The following ASZ1 variants were observed in gnomAD, a reference collection of about 807,000 sequenced individuals.
The protein encoded by ASZ1 is ankyrin repeat, SAM and basic leucine zipper domain containing 1.
Under a neutral mutation model 61.8 loss-of-function variants are expected in ASZ1, and 67 were observed. The ratio of observed to expected loss-of-function variants is 1.08; its 90% confidence interval spans 0.89 to 1.33. The LOEUF (loss-of-function observed/expected upper bound fraction) is 1.33, where lower values mean the gene tolerates loss of function less well. Among genes scored for constraint, ASZ1 ranks in the 40% most tolerant of loss-of-function variants. ASZ1 has a pLI of 0.00. For synonymous variants in ASZ1, 193 were observed against 192.7 expected, an observed-to-expected ratio of 1.00 and a Z score of -0.01; for missense variants, 577 against 554.5, an observed-to-expected ratio of 1.04 and a Z score of -0.41.
At chr7:117,420,028 G>T (rs994620656) in intron 4 of ASZ1, 135 bp downstream of exon 4, 2 of 567,572 alleles carry the variant, frequency 3.5e-6, no homozygotes, top group Admixed American at 3.4e-5. Context: ...TATAGAATTG[G>T]AACAATGACC....
chr7:117,399,332 T>C (rs942862998), intron 4 of ASZ1, among the ~76,000 whole-genome samples: 3 of 152,198 alleles, frequency 2.0e-5, no homozygotes, highest in African/African-American at 7.2e-5. Context: ...AATGAACCTC[T>C]AGGAAGGTTT....
chr7:117,420,876 G>A (rs992869279), intron 3 of ASZ1, among the ~76,000 whole-genome samples: 3 of 152,108 alleles, frequency 2.0e-5, no homozygotes, highest in African/African-American at 7.2e-5. Flanking sequence ...TTCAAAATAG[G>A]TCACAACAGC....
intron 6 of ASZ1, among the ~76,000 whole-genome samples, chr7:117,383,794 T>C (rs1375874108): frequency 6.6e-6 from 1 of 152,032 alleles, no homozygotes; most frequent in Non-Finnish European, 1.5e-5. Flanking sequence ...CATTTAACAA[T>C]GTAATAAAAT....
intron 3 of ASZ1, among the ~76,000 whole-genome samples, chr7:117,420,961 C>G (rs886274935): frequency 6.6e-6 from 1 of 152,174 alleles, no homozygotes; most frequent in Non-Finnish European, 1.5e-5. Context: ...AACTGTAACT[C>G]TTGTGATATC....
At chr7:117,389,723 C>A (rs1342488966) in intron 4 of ASZ1, among the ~76,000 whole-genome samples, 1 of 152,232 alleles carries the variant, frequency 6.6e-6, no homozygotes, top group Admixed American at 6.5e-5. Context: ...ATATTTCCCA[C>A]ACCTTTTCCT....
At chr7:117,427,295 G>C (rs780102530) in intron 1 of ASZ1, 61 bp downstream of exon 1, 1 of 1,555,066 alleles carries the variant, frequency 6.4e-7, no homozygotes, top group Non-Finnish European at 8.9e-7. Context: ...GCTGGGCCTC[G>C]CCTTCGAGGG....
At chr7:117,407,541 G>A (rs1796809278) in intron 4 of ASZ1, among the ~76,000 whole-genome samples, 1 of 152,180 alleles carries the variant, frequency 6.6e-6, no homozygotes, top group Non-Finnish European at 1.5e-5. Flanking sequence ...CTATACATAT[G>A]TGCCTATGAA....
intron 4 of ASZ1, among the ~76,000 whole-genome samples, chr7:117,394,296 T>A (rs1796535423): frequency 6.6e-6 from 1 of 152,054 alleles, no homozygotes; most frequent in African/African-American, 2.4e-5. Context: ...GTTGCCTAGG[T>A]TGGTCTCAAA....
At chr7:117,417,368 C>G (rs1797015930) in intron 4 of ASZ1, among the ~76,000 whole-genome samples, 1 of 152,156 alleles carries the variant, frequency 6.6e-6, no homozygotes, top group African/African-American at 2.4e-5. Context: ...CATCAACAGC[C>G]TGAAAGTAAA....
At chr7:117,400,736 C>A (rs1401739294) in intron 4 of ASZ1, among the ~76,000 whole-genome samples, 1 of 152,168 alleles carries the variant, frequency 6.6e-6, no homozygotes, top group African/African-American at 2.4e-5. Context: ...GCTAAGAGGG[C>A]TTTGAGCATT....
chr7:117,418,960 T>TA (rs1432038392), intron 4 of ASZ1, among the ~76,000 whole-genome samples: 91 of 151,232 alleles, frequency 6.0e-4, no homozygotes, highest in African/African-American at 1.8e-3. Flanking sequence ...GACCCTGTCT[T>TA]AAAAAAAAAT....
chr7:117,401,554 G>C (rs1053753421), intron 4 of ASZ1, among the ~76,000 whole-genome samples: 2 of 152,090 alleles, frequency 1.3e-5, no homozygotes, highest in African/African-American at 4.8e-5. Context: ...GAGAGACCCA[G>C]AATCAACAAA....
chr7:117,367,241 T>TA (rs1218483831), intron 12 of ASZ1, 111 bp downstream of exon 12: 1 of 807,368 alleles, frequency 1.2e-6, no homozygotes, highest in Non-Finnish European at 1.7e-6. Context: ...TTTTCCCACT[T>TA]GTCTAAGTGT....
At chr7:117,417,838 T>C (rs896567365) in intron 4 of ASZ1, among the ~76,000 whole-genome samples, 2 of 152,238 alleles carry the variant, frequency 1.3e-5, no homozygotes. Flanking sequence ...CTAATTATTT[T>C]AGAGAGTTGA....
intron 10 of ASZ1, among the ~76,000 whole-genome samples, chr7:117,371,212 G>A (rs1796045436): frequency 6.6e-6 from 1 of 152,068 alleles, no homozygotes; most frequent in Non-Finnish European, 1.5e-5. Flanking sequence ...ACTATTTCTA[G>A]AAGGAAAGGT....
intron 10 of ASZ1, among the ~76,000 whole-genome samples, chr7:117,377,140 T>C (rs999091603): frequency 5.3e-5 from 8 of 152,162 alleles, no homozygotes; most frequent in Non-Finnish European, 1.0e-4. Flanking sequence ...AGAAATACCA[T>C]TGGCAATTGT....
intron 10 of ASZ1, among the ~76,000 whole-genome samples, chr7:117,374,182 A>G (rs1796097161): frequency 6.6e-6 from 1 of 152,122 alleles, no homozygotes; most frequent in Non-Finnish European, 1.5e-5. Context: ...GATCGTCTAT[A>G]TTATTTCCTG....
intron 4 of ASZ1, among the ~76,000 whole-genome samples, chr7:117,386,313 G>C (rs571101450): frequency 6.6e-6 from 1 of 152,288 alleles, no homozygotes; most frequent in Admixed American, 6.5e-5. Context: ...GAGACTGAAA[G>C]AATTTTATTC....
At chr7:117,426,488 C>CAA (rs10625452) in intron 2 of ASZ1, among the ~76,000 whole-genome samples, 6,156 of 33,418 alleles carry the variant, frequency 0.18, 549 homozygotes, top group African/African-American at 0.33. Context: ...GATAACATCT[C>CAA]AAAAAAAAAA....
Sources: gnomAD v4.1 joint callset for allele counts (sites outside exome capture counted in the v4.1 genomes callset) on GRCh38, gnomAD v4.1.1 for gene constraint, MANE v1.5 for transcripts, NCBI Gene and HGNC (gene_info 2026-07-23, HGNC 2026-07-21) for gene names.